NEB: variants seen among roughly 807,000 people sequenced by gnomAD.
NEB encodes the protein nebulin, also known as nemaline myopathy type 2.
In NEB, 512 loss-of-function variants were observed where a neutral mutation model predicts 952.2. That is an observed-to-expected ratio of 0.54 (90% confidence interval 0.50 to 0.58). NEB has a LOEUF of 0.58. Among genes scored for constraint, NEB ranks in the 20% least tolerant of loss-of-function variants. The pLI is 0.00. For synonymous variants in NEB, 2,900 were observed against 3,149.8 expected, an observed-to-expected ratio of 0.92 and a Z score of 2.66; for missense variants, 8,428 against 9,231.1, an observed-to-expected ratio of 0.91 and a Z score of 3.56.
chr2:151,692,746 G>A (rs2099568531), intron 20 of NEB, among the ~76,000 whole-genome samples: 1 of 152,204 alleles, frequency 6.6e-6, no homozygotes, highest in African/African-American at 2.4e-5. Context: ...AAGGTGGGCA[G>A]ATCACTCAAG....
In NEB at chr2:151,682,756, G is replaced by A; in HGVS notation, c.2849C>T (p.Ala950Val). The A allele has an allele frequency of 1.2e-6, 2 of 1,612,838 alleles. No individual in the cohort carries two copies. The highest frequency in any genetic ancestry group is 1.7e-6 in the Non-Finnish European group (2 of 1,179,260). Residue 950 changes from alanine (A) to valine (V), a missense_variant, in exon 29 of 182, where the codon GCT becomes GTT. By Grantham distance (64) the Ala-to-Val change is moderately conservative. Around this residue, in one of 11 missense-constraint regions of NEB, gnomAD observed 2,851 missense variants for 2,791.5 expected, o/e 1.02. Coordinates refer to ENST00000397345, the MANE Select transcript of NEB (RefSeq NM_001164508.2). ...YALQSDVEYK[A>V]DYNSWMKGCG... ...ACCTTTCATCCAGCTATTGTAGTCA[G>A]CTTTGTATTCAACCTAAAACACCAA...
intron 141 of NEB, 89 bp from the exon 142 acceptor site, chr2:151,535,884 T>C: frequency 1.4e-6 from 1 of 705,604 alleles, no homozygotes; most frequent in Non-Finnish European, 2.3e-6. Context: ...ATAATTGTGA[T>C]AATTAATTCA....
At chr2:151,641,383 G>A (rs945224331) in intron 60 of NEB, among the ~76,000 whole-genome samples, 1 of 152,196 alleles carries the variant, frequency 6.6e-6, no homozygotes, top group Non-Finnish European at 1.5e-5. Context: ...CCAGGTTGGA[G>A]TGCAGTGGTA....
chr2:151,544,239 G>A (rs1319679784), intron 135 of NEB, among the ~76,000 whole-genome samples: 1 of 152,150 alleles, frequency 6.6e-6, no homozygotes, highest in Non-Finnish European at 1.5e-5. Flanking sequence ...AGAAACTAAA[G>A]TTTTAGATAA....
At chr2:151,554,872 C>T (rs939302022) in intron 125 of NEB, 59 bp downstream of exon 125, 17 of 1,201,270 alleles carry the variant, frequency 1.4e-5, no homozygotes, top group Non-Finnish European at 2.0e-5. Context: ...AATCACATAA[C>T]GAGCGGCACA....
intron 34 of NEB, among the ~76,000 whole-genome samples, chr2:151,676,978 C>G (rs1256542532): frequency 2.0e-5 from 3 of 152,122 alleles, no homozygotes; most frequent in Non-Finnish European, 4.4e-5. Flanking sequence ...TTCTGTATAC[C>G]AAACTTTCCT....
intron 11 of NEB, 47 bp downstream of exon 11, chr2:151,710,387 G>T: frequency 7.6e-7 from 1 of 1,315,980 alleles, no homozygotes; most frequent in Non-Finnish European, 1.1e-6. Context: ...CTAAGGAAAG[G>T]GGTCTCCCTC....
intron 73 of NEB, 80 bp downstream of exon 73, chr2:151,619,371 G>A (rs2098325741): frequency 2.2e-6 from 3 of 1,359,454 alleles, no homozygotes; most frequent in Non-Finnish European, 3.0e-6. Flanking sequence ...ACAAATTGCA[G>A]TTCATTGGCA....
chr2:151,507,932 G>T, intron 162 of NEB, 73 bp downstream of exon 162: 1 of 1,062,286 alleles, frequency 9.4e-7, no homozygotes, highest in Non-Finnish European at 1.4e-6. Flanking sequence ...TGCAAGCCTG[G>T]GATATCCAGA....
rs999220595 is a variant in NEB at position 151,729,771 on chromosome 2, T to C, written c.37-115A>G. On this transcript the variant is annotated intron_variant, in intron 3 of 181. Transcript: ENST00000397345. The stretch of plus-strand genomic sequence containing the variant: ...TAGCTCGGTTGATTTGGAATGTCTG[T>C]GGGAAAGGGGTAGGTGAGGGAGCCT... 3.7e-6 allele frequency: 4 copies of C among 1,078,298 alleles called. No individual in the cohort carries two copies. In the South Asian group the frequency reaches 5.1e-5, roughly 14 times the overall value. The allele number at this position is 1,078,298 out of a possible 1,614,324, so 66.8% of individuals were successfully genotyped here.
intron 85 of NEB, among the ~76,000 whole-genome samples, chr2:151,604,290 G>A (rs1469998292): frequency 7.1e-5 from 8 of 112,580 alleles, no homozygotes; most frequent in African/African-American, 3.1e-4. Context: ...ATTATGCAAA[G>A]GTAACGGCTC....
At chr2:151,694,220 T>C (rs1266388430) in intron 20 of NEB, 103 bp downstream of exon 20, 6 of 999,920 alleles carry the variant, frequency 6.0e-6, no homozygotes, top group African/African-American at 1.6e-5. Context: ...ATTTGTCATC[T>C]TGAATCCAAG....
intron 68 of NEB, among the ~76,000 whole-genome samples, chr2:151,628,952 C>T (rs1055984809): frequency 6.6e-6 from 1 of 152,064 alleles, no homozygotes; most frequent in African/African-American, 2.4e-5. Flanking sequence ...CACCAAAGAA[C>T]CCACCTCTTT....
intron 155 of NEB, 101 bp downstream of exon 155, chr2:151,518,864 T>C: frequency 1.4e-6 from 1 of 727,722 alleles, no homozygotes; most frequent in Non-Finnish European, 2.4e-6. Context: ...GTAATAAATC[T>C]AGGGTATCAG....
At chr2:151,591,489 TGAAGAGGGAGCTACTGAGTCA>T in intron 95 of NEB, 34 bp from the exon 96 acceptor site, 1 of 1,513,412 alleles carries the variant, frequency 6.6e-7, no homozygotes, top group Non-Finnish European at 9.0e-7. Flanking sequence ...ACAGTCAGTC[TGAAGAGGGAGCTACTGAGTCA>T]GCATTACTGA....
intron 71 of NEB, among the ~76,000 whole-genome samples, chr2:151,621,976 A>G (rs2098425089): frequency 6.6e-6 from 1 of 152,118 alleles, no homozygotes; most frequent in Non-Finnish European, 1.5e-5. Context: ...ATAATGAATT[A>G]AGTTGTCTGG....
At chr2:151,652,086 G>A (rs1369225387) in intron 52 of NEB, among the ~76,000 whole-genome samples, 2 of 152,164 alleles carry the variant, frequency 1.3e-5, no homozygotes, top group African/African-American at 4.8e-5. Context: ...AGTGGAAATA[G>A]GCTGCTTTGT....
intron 24 of NEB, chr2:151,689,197 C>CTTTTTTTTTTTTTT (rs11305294): frequency 3.5e-5 from 2 of 57,892 alleles, no homozygotes; most frequent in Non-Finnish European, 6.3e-5. Flanking sequence ...GATATATACT[C>CTTTTTTTTTTTTTT]TTTTTTTTTT....
rs1323364980 is a variant in NEB at position 151,498,295 on chromosome 2, G to A, written c.24172C>T (p.Gln8058Ter). Reference sequence around the variant, plus strand: ...TTTTCTTGATTGTGTTTGACTCTCTGCATCTCAGGAGTGATGGGGATTGGA... The same window carrying A: ...TTTTCTTGATTGTGTTTGACTCTCTACATCTCAGGAGTGATGGGGATTGGA... Reference protein sequence around the residue: ...GIPIPITPEMQRVKHNQENLS... With the variant: ...GIPIPITPEM Residue 8058 changes from glutamine (Q) to a stop codon, truncating the protein, a stop_gained, in exon 170 of 182, where the codon CAG becomes TAG. Transcript: ENST00000397345. LOFTEE classifies it high-confidence loss of function. 3.9e-6 allele frequency: 6 copies of A among 1,551,270 alleles called. No individual in the cohort carries two copies. Among genetic ancestry groups the A allele is most frequent in the Non-Finnish European group, 5.2e-6 (6 of 1,146,832 alleles).
Sources: allele counts gnomAD v4.1 joint callset (sites outside exome capture counted in the v4.1 genomes callset), GRCh38; gene constraint gnomAD v4.1.1; regional missense constraint gnomAD v4.1.1; transcripts MANE v1.5; gene names NCBI Gene and HGNC (gene_info 2026-07-23, HGNC 2026-07-21).